The following SAP30BP variants were observed in gnomAD, a reference collection of about 807,000 sequenced individuals.
SAP30BP encodes the protein SAP30 binding protein, also known as SAP30-binding protein.
SAP30BP carries 31 observed loss-of-function variants against 46.3 expected under a neutral mutation model. The ratio of observed to expected loss-of-function variants is 0.67; its 90% CI spans 0.50 to 0.90. The LOEUF (loss-of-function observed/expected upper bound fraction) is 0.90. Among genes scored for constraint, SAP30BP ranks in the 40% least tolerant of loss-of-function variants. SAP30BP has a pLI of 0.00. For synonymous variants in SAP30BP, 169 were observed against 144.2 expected (o/e 1.17, Z -1.23); for missense variants, 312 against 391.0 (o/e 0.80, Z 1.70).
At chr17:75,703,394 G>C (rs753292978) in intron 7 of SAP30BP, 23 bp downstream of exon 7, 1 of 1,610,084 alleles carries the variant, frequency 6.2e-7, no homozygotes, top group African/African-American at 1.3e-5. Context: ...CACGGGGCTG[G>C]AGGGTGATGG....
At chr17:75,702,456 C>A (rs779738668) in intron 5 of SAP30BP, 24 bp from the exon 6 acceptor site, 4 of 1,138,354 alleles carry the variant, frequency 3.5e-6, no homozygotes, top group African/African-American at 1.5e-5. Flanking sequence ...TACACCCCCC[C>A]ACCCCCTCTG....
intron 3 of SAP30BP, chr17:75,679,615 G>A (rs1473367882): frequency 6.6e-6 from 1 of 152,206 alleles, no homozygotes; most frequent in Non-Finnish European, 1.5e-5. Flanking sequence ...TGGGGCAGCA[G>A]GGATTGGGCT....
chr17:75,668,533 G>GT lies in SAP30BP; in HGVS notation c.125dup (p.Ser43IlefsTer2). ...CCTTTCAGAGGAGAAAGGCGGATTG[G>GT]TATCTGATGCCTATGGGGAGGATGA... On this transcript the variant is annotated frameshift_variant, in exon 2 of 11. Transcript: ENST00000584667. LOFTEE classifies it high-confidence loss of function. 1 of 1,575,424 alleles carries GT rather than the reference G, an allele frequency of 6.3e-7. No homozygotes were observed. Among genetic ancestry groups the GT allele is most frequent in the Non-Finnish European group, 8.6e-7 (1 of 1,163,996 alleles).
intron 4 of SAP30BP, among the ~76,000 whole-genome samples, chr17:75,695,983 C>T (rs1599153483): frequency 1.3e-5 from 2 of 152,304 alleles, no homozygotes; most frequent in Non-Finnish European, 1.5e-5. Context: ...CTCGCTCACT[C>T]CCTGCCATCC....
chr17:75,705,654 G>C, intron 9 of SAP30BP: 1 of 1,111,674 alleles, frequency 9.0e-7, no homozygotes, highest in Non-Finnish European at 1.1e-6. Context: ...GACCGGAGCT[G>C]TCCTTCCCCT....
chr17:75,677,327 A>T (rs1599106872), intron 3 of SAP30BP, among the ~76,000 whole-genome samples: 1 of 151,068 alleles, frequency 6.6e-6, no homozygotes, highest in African/African-American at 2.4e-5. Context: ...CTGGTCTCGA[A>T]CTCCTGACCT....
chr17:75,682,104 T>G (rs573704548), intron 3 of SAP30BP, among the ~76,000 whole-genome samples: 1 of 152,226 alleles, frequency 6.6e-6, no homozygotes, highest in Non-Finnish European at 1.5e-5. Flanking sequence ...TTTATTTTTA[T>G]TTTTGTCAAA....
intron 4 of SAP30BP, 139 bp downstream of exon 4, chr17:75,693,621 T>A: frequency 3.0e-6 from 2 of 676,578 alleles, no homozygotes; most frequent in Non-Finnish European, 5.0e-6. Context: ...CTCTCAGGGC[T>A]TTGGCATTTC....
intron 3 of SAP30BP, among the ~76,000 whole-genome samples, chr17:75,682,168 A>G (rs1481176089): frequency 6.6e-6 from 1 of 151,916 alleles, no homozygotes; most frequent in Non-Finnish European, 1.5e-5. Flanking sequence ...ACCTAATCTC[A>G]TGATGCTAAC....
Position 75,706,771 on chromosome 17 carries a change from C to T in SAP30BP, c.*250C>T, listed in dbSNP as rs924961828. The T allele has an allele frequency of 2.8e-5, 15 of 539,516 alleles. No homozygotes were observed. The East Asian group carries it at 3.7e-4, about 13-fold the overall frequency. 33.4% of individuals were successfully genotyped at this position (539,516 alleles called of 1,614,324 possible). A position where few individuals can be genotyped will look rare whatever the true frequency, so the allele number is the denominator to read the frequency against. ...GCCGTATTCTTACCTCTTGGCATCT[C>T]AGATGCACTGGCCTCTCCTGCATTC... On this transcript the variant is annotated 3_prime_UTR_variant, in exon 11 of 11. Transcript: ENST00000584667. This position sits in a 1 kb window ranked among gnomAD's most constrained non-coding sequence, Gnocchi z 4.6.
intron 9 of SAP30BP, chr17:75,705,745 T>C: frequency 9.6e-7 from 1 of 1,044,880 alleles, no homozygotes; most frequent in Non-Finnish European, 1.2e-6. Context: ...GGTGGGGCGG[T>C]GGGCGGGGGG....
At chr17:75,674,024 A>C (rs957714394) in intron 3 of SAP30BP, among the ~76,000 whole-genome samples, 1 of 152,184 alleles carries the variant, frequency 6.6e-6, no homozygotes, top group Non-Finnish European at 1.5e-5. Flanking sequence ...CACTTGATAT[A>C]GTTCTTTTGG....
chr17:75,692,567 A>G, intron 3 of SAP30BP: 2 of 956,220 alleles, frequency 2.1e-6, no homozygotes, highest in Non-Finnish European at 2.5e-6. Context: ...AATGGAGGCA[A>G]GGGAAGACTT....
intron 3 of SAP30BP, among the ~76,000 whole-genome samples, chr17:75,683,369 A>G (rs2060113150): frequency 6.6e-6 from 1 of 151,836 alleles, no homozygotes; most frequent in African/African-American, 2.4e-5. Context: ...AATAATAATA[A>G]TTTTTTAAAT....
chr17:75,672,530 A>C (rs1009973681), intron 3 of SAP30BP, among the ~76,000 whole-genome samples: 15 of 152,202 alleles, frequency 9.9e-5, no homozygotes, highest in African/African-American at 3.6e-4. Context: ...TGTGCTGTGC[A>C]TTGGCCATTA....
intron 3 of SAP30BP, chr17:75,692,641 A>G (rs1354166016): frequency 2.0e-5 from 7 of 358,160 alleles, no homozygotes; most frequent in Middle Eastern, 1.3e-3. Flanking sequence ...AACATTTACT[A>G]CAGAACAGTG....
intron 4 of SAP30BP, among the ~76,000 whole-genome samples, chr17:75,696,378 C>CAAAAA (rs57619442): frequency 7.8e-6 from 1 of 128,842 alleles, no homozygotes; most frequent in East Asian, 2.2e-4. Flanking sequence ...ACTAAAAATC[C>CAAAAA]AAAAAAAAAA....
intron 5 of SAP30BP, chr17:75,700,362 TTG>T (rs2060389373): frequency 6.6e-6 from 1 of 152,386 alleles, no homozygotes; most frequent in Non-Finnish European, 1.5e-5. Context: ...ACTGGAGGTT[TTG>T]AAATCCCAAG....
chr17:75,688,007 A>G (rs1436325479), intron 3 of SAP30BP, among the ~76,000 whole-genome samples: 3 of 150,998 alleles, frequency 2.0e-5, no homozygotes, highest in Admixed American at 6.6e-5. Context: ...GACCAGGCTG[A>G]CTATTAGACT....
Sources: allele counts gnomAD v4.1 joint callset (sites outside exome capture counted in the v4.1 genomes callset), GRCh38; gene constraint gnomAD v4.1.1; non-coding constraint Gnocchi (gnomAD v3.1); transcripts MANE v1.5; gene names NCBI Gene and HGNC (gene_info 2026-07-23, HGNC 2026-07-21).